The following DAB1 variants were observed in gnomAD, a reference collection of about 807,000 sequenced individuals.
DAB1 encodes DAB adaptor protein 1, also known as disabled homolog 1.
A neutral mutation model predicts 64.6 loss-of-function variants in DAB1; 15 were observed. The observed-to-expected ratio is 0.23, with a 90% CI of 0.16 to 0.36. DAB1 has a LOEUF of 0.36. Ranked by LOEUF, DAB1 falls within the 10% of genes least tolerant of loss-of-function variation. The pLI is 1.00. For missense variants in DAB1, 596 were observed against 706.7 expected (o/e 0.84, Z 1.78); for synonymous variants, 235 against 251.9 (o/e 0.93, Z 0.64).
At chr1:58,378,063 TTC>T (rs1644346875) in intron 3 of DAB1, among the ~76,000 whole-genome samples, 1 of 138,128 alleles carries the variant, frequency 7.2e-6, no homozygotes, top group African/African-American at 2.7e-5. Flanking sequence ...GTATTGGTTA[TTC>T]TAGTTATACA....
intron 3 of DAB1, among the ~76,000 whole-genome samples, chr1:58,473,622 T>C (rs1480876620): frequency 6.6e-6 from 1 of 152,068 alleles, no homozygotes; most frequent in African/African-American, 2.4e-5. Flanking sequence ...CTCATAGAAT[T>C]GTTGAGGGAG....
intron 1 of DAB1, among the ~76,000 whole-genome samples, chr1:58,541,944 A>G (rs1342098649): frequency 2.0e-5 from 3 of 152,220 alleles, no homozygotes; most frequent in Non-Finnish European, 4.4e-5. Flanking sequence ...ATCTTCATAT[A>G]AAAGTTGGGG....
intron 7 of DAB1, among the ~76,000 whole-genome samples, chr1:57,453,348 A>G (rs1254235996): frequency 2.0e-5 from 3 of 152,220 alleles, no homozygotes; most frequent in African/African-American, 7.2e-5. Context: ...GTGCTTTTAA[A>G]TAAGACTCAA....
chr1:58,076,942 C>T (rs1263304545), intron 5 of DAB1, among the ~76,000 whole-genome samples: 1 of 152,088 alleles, frequency 6.6e-6, no homozygotes, highest in African/African-American at 2.4e-5. Flanking sequence ...TAGGTAACTG[C>T]ACATCTGACT....
intron 3 of DAB1, among the ~76,000 whole-genome samples, chr1:58,473,541 C>CA (rs1295620920): frequency 8.7e-6 from 1 of 115,242 alleles, no homozygotes; most frequent in Non-Finnish European, 1.8e-5. Flanking sequence ...GACTCCGTCT[C>CA]AAAAAAATAA....
intron 4 of DAB1, among the ~76,000 whole-genome samples, chr1:57,102,595 T>C (rs1654781026): frequency 1.3e-5 from 2 of 152,334 alleles, no homozygotes; most frequent in East Asian, 1.9e-4. Flanking sequence ...TATGAATTTT[T>C]TCATTGCCAG....
chr1:58,028,369 C>G (rs6689630), intron 5 of DAB1, among the ~76,000 whole-genome samples: 112 of 152,322 alleles, frequency 7.4e-4, no homozygotes, highest in Non-Finnish European at 1.4e-3. Context: ...GCCAGCAGCA[C>G]TATAACTCAT....
intron 14 of DAB1, among the ~76,000 whole-genome samples, chr1:57,002,542 CAG>C (rs1645908473): frequency 6.6e-6 from 1 of 152,190 alleles, no homozygotes; most frequent in East Asian, 1.9e-4. Context: ...GCAAGAAGAA[CAG>C]AGCAAGGCTG....
chr1:58,163,216 G>C (rs115310260), intron 4 of DAB1, among the ~76,000 whole-genome samples: 1 of 152,154 alleles, frequency 6.6e-6, no homozygotes, highest in Non-Finnish European at 1.5e-5. Flanking sequence ...ATTTCATCAC[G>C]AAGTTAAGAA....
At chr1:57,518,243 T>A (rs1644485649) in intron 7 of DAB1, among the ~76,000 whole-genome samples, 1 of 152,178 alleles carries the variant, frequency 6.6e-6, no homozygotes, top group Admixed American at 6.5e-5. Context: ...TTCTCAATGA[T>A]CTCACATCAT....
intron 5 of DAB1, among the ~76,000 whole-genome samples, chr1:58,097,414 ATGGTT>A (rs1288061708): frequency 1.3e-5 from 2 of 152,184 alleles, no homozygotes; most frequent in Non-Finnish European, 2.9e-5. Context: ...TTTTAAGATG[ATGGTT>A]TAATCACAGT....
chr1:58,127,421 C>T (rs1312785012), intron 5 of DAB1, among the ~76,000 whole-genome samples: 2 of 151,138 alleles, frequency 1.3e-5, no homozygotes, highest in Non-Finnish European at 3.0e-5. Context: ...CCTGTTCACT[C>T]TGATGGTAGT....
chr1:57,325,067 C>T (rs941213689), intron 1 of DAB1, among the ~76,000 whole-genome samples: 2 of 152,192 alleles, frequency 1.3e-5, no homozygotes, highest in South Asian at 2.1e-4. Context: ...CTGGAGCCTG[C>T]CCATTTCAGT....
chr1:57,210,867 T>C (rs1183520946), intron 2 of DAB1, among the ~76,000 whole-genome samples: 1 of 152,268 alleles, frequency 6.6e-6, no homozygotes, highest in Non-Finnish European at 1.5e-5. Context: ...TATGCATGTA[T>C]ATGAATACAT....
At chr1:57,581,464 A>G (rs1645310866) in intron 7 of DAB1, among the ~76,000 whole-genome samples, 1 of 152,092 alleles carries the variant, frequency 6.6e-6, no homozygotes, top group Non-Finnish European at 1.5e-5. Context: ...AGTCTGGTAA[A>G]TTGTGCCACC....
chr1:57,942,922 TATTA>T (rs1289280216), intron 5 of DAB1, among the ~76,000 whole-genome samples: 18 of 152,238 alleles, frequency 1.2e-4, no homozygotes, highest in South Asian at 4.1e-4. Flanking sequence ...AGTTATGGCC[TATTA>T]ATTAATTAAT....
At chr1:57,791,136 T>C (rs1246446375) in intron 6 of DAB1, among the ~76,000 whole-genome samples, 2 of 152,200 alleles carry the variant, frequency 1.3e-5, no homozygotes, top group Non-Finnish European at 2.9e-5. Context: ...TAGTAGCTTA[T>C]AGTCTAATAG....
At chr1:58,288,076 C>T (rs1031599689) in intron 4 of DAB1, among the ~76,000 whole-genome samples, 13 of 149,818 alleles carry the variant, frequency 8.7e-5, no homozygotes, top group Non-Finnish European at 1.3e-4. Flanking sequence ...AGTTTGCTTC[C>T]ATGTTTAACA....
Position 58,421,998 on chromosome 1 carries a change from CAA to C in DAB1, n.258-78597_258-78596del, listed in dbSNP as rs56307849. Among the ~76,000 whole-genome samples, 306 of 141,550 alleles carry C rather than the reference CAA, an allele frequency of 2.2e-3. 1 individual carries two copies. Among genetic ancestry groups the C allele is most frequent in the Non-Finnish European group, 3.4e-3 (223 of 64,876 alleles). 92.9% of individuals were successfully genotyped at this position (141,550 alleles called of 152,430 possible). ...TCTTTGGGTGCTATTAAGTAGACGT[CAA>C]AAAAAAAAAAGGATATGATGTCTGA... On this transcript the variant is annotated intron_variant and non_coding_transcript_variant, in intron 3 of 20. Coordinates refer to the DAB1 transcript ENST00000485760.
Sources: allele counts gnomAD v4.1 joint callset (sites outside exome capture counted in the v4.1 genomes callset), GRCh38; gene constraint gnomAD v4.1.1; transcripts MANE v1.5; gene names NCBI Gene and HGNC (gene_info 2026-07-23, HGNC 2026-07-21).